Variants in HDAC9 observed in about 807,000 individuals in gnomAD.
HDAC9 encodes histone deacetylase 9, also known as MEF-2 interacting transcription repressor (MITR) protein.
Under a neutral mutation model 139.4 loss-of-function variants are expected in HDAC9, and 41 were observed. The ratio of observed to expected loss-of-function variants is 0.29; its 90% CI spans 0.23 to 0.38. The LOEUF is 0.38. Among genes scored for constraint, HDAC9 ranks in the 10% least tolerant of loss-of-function variants. The pLI, the probability that HDAC9 is intolerant of heterozygous loss-of-function variation, is 1.00. For synonymous variants in HDAC9, 517 were observed against 476.2 expected, an observed-to-expected ratio of 1.09 and a Z score of -1.12; for missense variants, 1,147 against 1,297.0, an observed-to-expected ratio of 0.88 and a Z score of 1.78.
At chr7:18,701,789 T>C (rs1783509754) in intron 12 of HDAC9, among the ~76,000 whole-genome samples, 2 of 152,242 alleles carry the variant, frequency 1.3e-5, no homozygotes, top group African/African-American at 4.8e-5. Context: ...CTGTGATGTC[T>C]TGTACATATG....
At chr7:18,885,971 G>A (rs781559651) in intron 22 of HDAC9, among the ~76,000 whole-genome samples, 1 of 152,082 alleles carries the variant, frequency 6.6e-6, no homozygotes, top group Admixed American at 6.5e-5. Context: ...CAGAGGAAGG[G>A]AATATGCAAG....
rs1784302459 is a variant in HDAC9, at chr7:18,120,481, C to T, written c.-97+33268C>T. ...TCTGTAAAGCCAATTGAGGGATGGT[C>T]CCCAAACACAAACCTTTTCTATTTT... On this transcript the variant is annotated intron_variant, in intron 1 of 12. Transcript: ENST00000417496. Among the ~76,000 whole-genome samples, 4 of 152,114 alleles carry T rather than the reference C, an allele frequency of 2.6e-5. No individual in the cohort carries two copies. In the South Asian group the frequency reaches 8.3e-4, roughly 32 times the overall value.
At chr7:18,110,118 T>A (rs1251985875) in intron 1 of HDAC9, among the ~76,000 whole-genome samples, 1 of 152,196 alleles carries the variant, frequency 6.6e-6, no homozygotes, top group East Asian at 1.9e-4. Context: ...TGGATGACTT[T>A]CAAGGTGAGT....
chr7:18,605,863 G>C (rs552084362), intron 6 of HDAC9, among the ~76,000 whole-genome samples: 13 of 151,948 alleles, frequency 8.6e-5, no homozygotes, highest in African/African-American at 2.9e-4. Context: ...TGTATTTTCA[G>C]TAGAGATGGG....
At chr7:18,562,365 C>T (rs887079695) in intron 2 of HDAC9, among the ~76,000 whole-genome samples, 1 of 152,028 alleles carries the variant, frequency 6.6e-6, no homozygotes, top group African/African-American at 2.4e-5. Context: ...GATTTTGTTA[C>T]CTAATAAACC....
At chr7:18,982,580 C>G (rs1785029018) in intron 25 of HDAC9, among the ~76,000 whole-genome samples, 1 of 152,128 alleles carries the variant, frequency 6.6e-6, no homozygotes, top group South Asian at 2.1e-4. Context: ...CCACCCAGAA[C>G]AAGTTCAAGA....
chr7:18,364,965 G>C (rs1784066499), intron 1 of HDAC9, among the ~76,000 whole-genome samples: 1 of 152,112 alleles, frequency 6.6e-6, no homozygotes, highest in Non-Finnish European at 1.5e-5. Context: ...TGCAGGTGGA[G>C]CTGAAGTGTC....
intron 22 of HDAC9, among the ~76,000 whole-genome samples, chr7:18,913,474 A>G (rs765699972): frequency 6.6e-6 from 1 of 152,126 alleles, no homozygotes; most frequent in Non-Finnish European, 1.5e-5. Context: ...TAAGGTAATG[A>G]CATAGCAATA....
chr7:18,610,992 G>A (rs1185938125), intron 6 of HDAC9, among the ~76,000 whole-genome samples: 1 of 152,014 alleles, frequency 6.6e-6, no homozygotes, highest in Non-Finnish European at 1.5e-5. Flanking sequence ...TTTAAAAACC[G>A]CTGCTAACAA....
chr7:18,723,407 CACA>C (rs901466463), intron 12 of HDAC9, among the ~76,000 whole-genome samples: 1 of 152,180 alleles, frequency 6.6e-6, no homozygotes, highest in Non-Finnish European at 1.5e-5. Flanking sequence ...GTTGCCAACC[CACA>C]ACATCCTTAA....
intron 1 of HDAC9, among the ~76,000 whole-genome samples, chr7:18,468,687 G>A (rs1410028278): frequency 2.0e-5 from 3 of 152,134 alleles, no homozygotes. Context: ...AAATTTTAGT[G>A]AGAAGCCTGG....
At chr7:18,140,979 T>A (rs140663946) in intron 1 of HDAC9, among the ~76,000 whole-genome samples, 98 of 152,154 alleles carry the variant, frequency 6.4e-4, no homozygotes, top group Non-Finnish European at 1.2e-3. Context: ...AAGCTAAAAT[T>A]CTCAATGAGC....
intron 22 of HDAC9, among the ~76,000 whole-genome samples, chr7:18,891,406 G>A (rs568149609): frequency 4.7e-4 from 71 of 152,310 alleles, no homozygotes; most frequent in African/African-American, 1.7e-3. Context: ...TTTTACTAAG[G>A]ATCCTGATGG....
intron 2 of HDAC9, among the ~76,000 whole-genome samples, chr7:18,187,209 A>G (rs1015530004): frequency 6.6e-6 from 1 of 152,234 alleles, no homozygotes; most frequent in African/African-American, 2.4e-5. Flanking sequence ...TTAAGCACCT[A>G]ATGTGGACAA....
chr7:18,180,847 G>A (rs1039769136), intron 2 of HDAC9, among the ~76,000 whole-genome samples: 4 of 152,152 alleles, frequency 2.6e-5, no homozygotes, highest in African/African-American at 9.7e-5. Context: ...GGTGTCAGTA[G>A]GACCTTGCTC....
intron 22 of HDAC9, among the ~76,000 whole-genome samples, chr7:18,925,016 G>C (rs1321744808): frequency 6.6e-6 from 1 of 152,178 alleles, no homozygotes; most frequent in East Asian, 1.9e-4. Flanking sequence ...TTTTTTGAAG[G>C]GGTGATATAT....
rs763102488 is a variant in HDAC9, at chr7:18,496,193, G to A, written c.-41-69G>A. Reference sequence around the variant, plus strand: ...CACTGAGCAGTGATGAATGTTTCATGTAGCTGAAGTAAGAGTGACTGGAAT... The same window carrying A: ...CACTGAGCAGTGATGAATGTTTCATATAGCTGAAGTAAGAGTGACTGGAAT... On this transcript the variant is annotated intron_variant, in intron 1 of 25. Coordinates refer to ENST00000686413, the MANE Select transcript of HDAC9 (RefSeq NM_178425.4). The A allele has an allele frequency of 2.6e-6, 4 of 1,543,566 alleles. No homozygotes were observed. In the East Asian group the frequency reaches 6.8e-5, roughly 26 times the overall value.
intron 1 of HDAC9, among the ~76,000 whole-genome samples, chr7:18,119,097 G>T (rs1315188325): frequency 6.6e-6 from 1 of 151,994 alleles, no homozygotes; most frequent in Non-Finnish European, 1.5e-5. Context: ...TCACTTTTTG[G>T]TTGCTTATTT....
intron 1 of HDAC9, among the ~76,000 whole-genome samples, chr7:18,461,677 T>C (rs1444958651): frequency 6.6e-6 from 1 of 152,164 alleles, no homozygotes; most frequent in East Asian, 1.9e-4. Context: ...TTTGTCACTT[T>C]TGTCATTGCC....
Sources: allele counts gnomAD v4.1 joint callset (sites outside exome capture counted in the v4.1 genomes callset), GRCh38; gene constraint gnomAD v4.1.1; transcripts MANE v1.5; gene names NCBI Gene and HGNC (gene_info 2026-07-23, HGNC 2026-07-21).